Variants in REDIC1 observed in about 807,000 individuals in gnomAD.
REDIC1 encodes the protein HEI10 Interacting Protein 1.
chr12:39,662,853 T>A, the REDIC1 span, among the ~76,000 whole-genome samples: 1 of 152,074 alleles, frequency 6.6e-6, no homozygotes, highest in Non-Finnish European at 1.5e-5. Flanking sequence ...TGAATTTTAT[T>A]GCATGCTTTT....
At chr12:39,851,791 T>A in the REDIC1 span, among the ~76,000 whole-genome samples, 1 of 152,302 alleles carries the variant, frequency 6.6e-6, no homozygotes, top group South Asian at 2.1e-4. Flanking sequence ...AATTAAGTAC[T>A]CCTACATGGT....
the REDIC1 span, among the ~76,000 whole-genome samples, chr12:39,672,174 C>T: frequency 1.3e-5 from 2 of 152,072 alleles, no homozygotes; most frequent in African/African-American, 4.8e-5. Flanking sequence ...CAAGAGAATT[C>T]CTGGGGCCTC....
At chr12:39,784,955 C>T in the REDIC1 span, among the ~76,000 whole-genome samples, 28 of 152,296 alleles carry the variant, frequency 1.8e-4, no homozygotes, top group East Asian at 5.0e-3. Context: ...CAAAAAGTGA[C>T]TTGGGTGCTG....
the REDIC1 span, among the ~76,000 whole-genome samples, chr12:39,727,949 C>G: frequency 6.6e-6 from 1 of 152,210 alleles, no homozygotes; most frequent in Non-Finnish European, 1.5e-5. Flanking sequence ...ATTTGACTCT[C>G]TGTTTGTCTA....
At chr12:39,894,234 A>T in the REDIC1 span, among the ~76,000 whole-genome samples, 5 of 152,238 alleles carry the variant, frequency 3.3e-5, no homozygotes, top group Non-Finnish European at 5.9e-5. Flanking sequence ...AGTAAGTAAC[A>T]TGACTATCTT....
chr12:39,791,114 A>G, the REDIC1 span, among the ~76,000 whole-genome samples: 60 of 151,336 alleles, frequency 4.0e-4, no homozygotes, highest in South Asian at 1.7e-3. Flanking sequence ...TAGATTCTGG[A>G]TATTAGCCCT....
chr12:39,901,547 T>G, the REDIC1 span, among the ~76,000 whole-genome samples: 2 of 129,882 alleles, frequency 1.5e-5, no homozygotes, highest in South Asian at 2.9e-4. Context: ...GAACAGACAC[T>G]TCTCAAAAGA....
chr12:39,674,119 C>A, the REDIC1 span, among the ~76,000 whole-genome samples: 3 of 152,170 alleles, frequency 2.0e-5, no homozygotes, highest in Admixed American at 6.5e-5. Context: ...AGAATCCTTT[C>A]CAACTTTAGT....
At chr12:39,817,728 G>A in the REDIC1 span, among the ~76,000 whole-genome samples, 6 of 152,086 alleles carry the variant, frequency 3.9e-5, no homozygotes, top group Non-Finnish European at 8.8e-5. Flanking sequence ...TATAGCCAAC[G>A]TATGCAGATG....
chr12:39,887,063 AAG>A, the REDIC1 span, among the ~76,000 whole-genome samples: 1 of 152,230 alleles, frequency 6.6e-6, no homozygotes, highest in African/African-American at 2.4e-5. Context: ...AGAGTAAAAA[AAG>A]AGACTGTTAT....
the REDIC1 span, among the ~76,000 whole-genome samples, chr12:39,824,884 G>A: frequency 2.0e-5 from 3 of 152,110 alleles, no homozygotes. Context: ...ATCAAGGAGG[G>A]TAAATTCTAG....
At chr12:39,713,540 A>C in the REDIC1 span, among the ~76,000 whole-genome samples, 1 of 149,362 alleles carries the variant, frequency 6.7e-6, no homozygotes, top group South Asian at 2.1e-4. Flanking sequence ...ACACGTACAT[A>C]CGTATACATG....
At chr12:39,824,978 A>G in the REDIC1 span, among the ~76,000 whole-genome samples, 2 of 152,224 alleles carry the variant, frequency 1.3e-5, no homozygotes, top group African/African-American at 2.4e-5. Flanking sequence ...TAAACTGACT[A>G]GAATCTGTGT....
the REDIC1 span, among the ~76,000 whole-genome samples, chr12:39,861,041 C>G: frequency 6.6e-6 from 1 of 152,206 alleles, no homozygotes; most frequent in South Asian, 2.1e-4. Flanking sequence ...TCTTCTCTGA[C>G]CCCATAGTCA....
At chr12:39,781,772 C>A in the REDIC1 span, among the ~76,000 whole-genome samples, 2 of 152,172 alleles carry the variant, frequency 1.3e-5, no homozygotes, top group Admixed American at 1.3e-4. Context: ...TGTCGTGCTT[C>A]TCTTTAGAAT....
the REDIC1 span, among the ~76,000 whole-genome samples, chr12:39,643,219 A>G: frequency 6.6e-6 from 1 of 151,738 alleles, no homozygotes. Context: ...AAACAGAAAG[A>G]AAATAAAAAC....
At chr12:39,905,085 T>TCGCTGGAACCTGG in the REDIC1 span, among the ~76,000 whole-genome samples, 1 of 152,286 alleles carries the variant, frequency 6.6e-6, no homozygotes, top group East Asian at 1.9e-4. Context: ...GCCCACAGAA[T>TCGCTGGAACCTGG]GAGACTTCTG....
the REDIC1 span, among the ~76,000 whole-genome samples, chr12:39,877,677 T>C: frequency 6.6e-6 from 1 of 152,236 alleles, no homozygotes; most frequent in East Asian, 1.9e-4. Flanking sequence ...TGAACTTACA[T>C]TTAAAAACAT....
chr12:39,639,166 T>C, the REDIC1 span, among the ~76,000 whole-genome samples: 1 of 152,074 alleles, frequency 6.6e-6, no homozygotes, highest in Non-Finnish European at 1.5e-5. Context: ...TCCTCCTTAG[T>C]CTTAGCAAAT....
Sources: gnomAD v4.1 joint callset for allele counts (sites outside exome capture counted in the v4.1 genomes callset) on GRCh38, gnomAD v4.1.1 for gene constraint, MANE v1.5 for transcripts, NCBI Gene and HGNC (gene_info 2026-07-23, HGNC 2026-07-21) for gene names.